The following INPP4B variants were observed in gnomAD, a reference collection of about 807,000 sequenced individuals.
INPP4B encodes the protein inositol polyphosphate 4-phosphatase type II.
INPP4B carries 55 observed loss-of-function variants against 122.5 expected under a neutral mutation model. The observed-to-expected ratio is 0.45, with a 90% CI of 0.36 to 0.56. The LOEUF is 0.56. Ranked by LOEUF, INPP4B falls within the 20% of genes least tolerant of loss-of-function variation. INPP4B has a pLI of 0.00. For missense variants in INPP4B, 1,000 were observed against 1,097.7 expected (o/e 0.91, Z 1.26); for synonymous variants, 403 against 388.7 (o/e 1.04, Z -0.43).
At chr4:142,285,908 T>C (rs948984328) in intron 9 of INPP4B, among the ~76,000 whole-genome samples, 15 of 152,160 alleles carry the variant, frequency 9.9e-5, no homozygotes, top group African/African-American at 3.6e-4. Flanking sequence ...TTTAAAATAA[T>C]ATAAAGATCT....
intron 2 of INPP4B, among the ~76,000 whole-genome samples, chr4:142,503,140 A>C (rs993884685): frequency 1.1e-4 from 16 of 152,208 alleles, no homozygotes; most frequent in African/African-American, 3.9e-4. Context: ...AGTGTCATTC[A>C]TGTACTGTGT....
chr4:142,568,342 G>T (rs1328032743), intron 2 of INPP4B, among the ~76,000 whole-genome samples: 4 of 152,018 alleles, frequency 2.6e-5, no homozygotes, highest in African/African-American at 4.8e-5. Context: ...TCCAAAGTCT[G>T]CCACAGAACT....
At chr4:142,669,764 A>T (rs1193778197) in intron 2 of INPP4B, among the ~76,000 whole-genome samples, 2 of 152,188 alleles carry the variant, frequency 1.3e-5, no homozygotes, top group Non-Finnish European at 2.9e-5. Context: ...AATGTTTTGG[A>T]TATTACCCCA....
At chr4:142,832,552 G>A (rs1324238052) in intron 1 of INPP4B, among the ~76,000 whole-genome samples, 1 of 152,164 alleles carries the variant, frequency 6.6e-6, no homozygotes, top group Non-Finnish European at 1.5e-5. Context: ...ATAACCACAA[G>A]GGAGAAAAGT....
chr4:142,605,537 G>A (rs1014140153), intron 2 of INPP4B, among the ~76,000 whole-genome samples: 1 of 151,810 alleles, frequency 6.6e-6, no homozygotes, highest in Non-Finnish European at 1.5e-5. Context: ...TCCAACAGGG[G>A]ACTGCTCTTC....
chr4:142,439,136 C>G (rs539370323), intron 3 of INPP4B, among the ~76,000 whole-genome samples: 2 of 152,122 alleles, frequency 1.3e-5, no homozygotes, highest in African/African-American at 4.8e-5. Context: ...CCTCCTAGAT[C>G]GCTCCAAGTG....
At chr4:142,370,461 T>A (rs1160378588) in intron 7 of INPP4B, among the ~76,000 whole-genome samples, 1 of 152,070 alleles carries the variant, frequency 6.6e-6, no homozygotes, top group African/African-American at 2.4e-5. Flanking sequence ...ATGGAAAGAT[T>A]AAGAAGAAAT....
intron 25 of INPP4B, among the ~76,000 whole-genome samples, chr4:142,060,481 G>A (rs1384059972): frequency 1.3e-5 from 2 of 152,132 alleles, no homozygotes; most frequent in Admixed American, 1.3e-4. Context: ...CTTTAAAAAG[G>A]TCATGCATTT....
At chr4:142,612,125 G>A (rs1580500607) in intron 2 of INPP4B, among the ~76,000 whole-genome samples, 2 of 152,078 alleles carry the variant, frequency 1.3e-5, no homozygotes, top group East Asian at 1.9e-4. Context: ...ACAACCTTCA[G>A]GAGAAAAAAA....
chr4:142,196,212 G>A (rs889582089), intron 14 of INPP4B, among the ~76,000 whole-genome samples: 44 of 152,144 alleles, frequency 2.9e-4, no homozygotes, highest in Admixed American at 7.9e-4. Flanking sequence ...AAGTTCTGAC[G>A]TTTTCTTTTC....
intron 2 of INPP4B, among the ~76,000 whole-genome samples, chr4:142,604,330 C>T (rs940324878): frequency 2.6e-5 from 4 of 152,038 alleles, no homozygotes; most frequent in African/African-American, 4.8e-5. Flanking sequence ...GACAAGGATG[C>T]CCAAATTTAC....
intron 1 of INPP4B, among the ~76,000 whole-genome samples, chr4:142,740,638 A>G (rs574130436): frequency 3.0e-4 from 46 of 152,072 alleles, no homozygotes; most frequent in Non-Finnish European, 4.1e-4. Context: ...CTTGTAAAAG[A>G]TGAGCTGTTG....
intron 2 of INPP4B, among the ~76,000 whole-genome samples, chr4:142,685,191 A>C (rs1378245338): frequency 6.6e-6 from 1 of 152,090 alleles, no homozygotes; most frequent in African/African-American, 2.4e-5. Flanking sequence ...TTACTTAATA[A>C]GCAGAAGCTG....
At chr4:142,114,889 T>C (rs1792246818) in intron 21 of INPP4B, among the ~76,000 whole-genome samples, 1 of 151,926 alleles carries the variant, frequency 6.6e-6, no homozygotes, top group Non-Finnish European at 1.5e-5. Context: ...TTCAAACCCA[T>C]CACAAAGAAG....
intron 1 of INPP4B, among the ~76,000 whole-genome samples, chr4:142,759,865 T>C (rs892094791): frequency 7.2e-6 from 1 of 139,634 alleles, no homozygotes; most frequent in African/African-American, 2.8e-5. Flanking sequence ...TTAATTGCCC[T>C]GTGAAGCAAT....
At chr4:142,628,497 G>A (rs1434760186) in intron 2 of INPP4B, among the ~76,000 whole-genome samples, 2 of 138,404 alleles carry the variant, frequency 1.4e-5, no homozygotes, top group African/African-American at 5.4e-5. Flanking sequence ...CACCAGCATG[G>A]CACATGTATA....
At chr4:142,587,010 G>A (rs900989869) in intron 2 of INPP4B, among the ~76,000 whole-genome samples, 1 of 152,150 alleles carries the variant, frequency 6.6e-6, no homozygotes, top group Non-Finnish European at 1.5e-5. Context: ...GAGCATATGG[G>A]ACCTTGAATG....
At chr4:142,678,840 GTT>G (rs909037831) in intron 2 of INPP4B, among the ~76,000 whole-genome samples, 1 of 150,182 alleles carries the variant, frequency 6.7e-6, no homozygotes, top group Non-Finnish European at 1.5e-5. Context: ...TTGTTGTGGT[GTT>G]TTTTTTTCCT....
chr4:142,498,100 T>C (rs1016228262), intron 2 of INPP4B, among the ~76,000 whole-genome samples: 21 of 131,452 alleles, frequency 1.6e-4, no homozygotes, highest in African/African-American at 6.3e-4. Context: ...GTATTTTGTG[T>C]GTGTGTGTGT....
Sources: gnomAD v4.1 joint callset for allele counts (sites outside exome capture counted in the v4.1 genomes callset) on GRCh38, gnomAD v4.1.1 for gene constraint, MANE v1.5 for transcripts, NCBI Gene and HGNC (gene_info 2026-07-23, HGNC 2026-07-21) for gene names.